TRAPPC3: variants seen among roughly 807,000 people sequenced by gnomAD.
TRAPPC3 encodes the protein trafficking protein particle complex subunit 3.
TRAPPC3 carries 5 observed loss-of-function variants against 18.2 expected under a neutral mutation model. The observed-to-expected ratio is 0.28, with a 90% CI of 0.14 to 0.58. The LOEUF (loss-of-function observed/expected upper bound fraction) is 0.58. TRAPPC3 is among the 20% of genes least tolerant of loss of function. The pLI, the probability that TRAPPC3 is intolerant of heterozygous loss-of-function variation, is 0.91. For missense variants in TRAPPC3, 176 were observed against 225.9 expected, an observed-to-expected ratio of 0.78 and a Z score of 1.41; for synonymous variants, 65 against 84.2, an observed-to-expected ratio of 0.77 and a Z score of 1.25.
chr1:36,141,893 G>T (rs1644113561), intron 1 of TRAPPC3, among the ~76,000 whole-genome samples: 1 of 147,056 alleles, frequency 6.8e-6, no homozygotes, highest in Non-Finnish European at 1.5e-5. Context: ...GGGAGGAGGA[G>T]GTTGCAGTGA....
intron 1 of TRAPPC3, among the ~76,000 whole-genome samples, chr1:36,146,414 A>G (rs1270349298): frequency 1.3e-5 from 2 of 151,138 alleles, no homozygotes; most frequent in Admixed American, 6.6e-5. Flanking sequence ...CTCCTGCCTC[A>G]GCCTCCTGAG....
At chr1:36,152,643 A>AT (rs1020190789), upstream of TRAPPC3, among the ~76,000 whole-genome samples, 9 of 147,416 alleles carry the variant, frequency 6.1e-5, no homozygotes, top group African/African-American at 1.8e-4. Context: ...TTTTTTAAAG[A>AT]TTTTTTTTAC....
rs182747683 is a variant in TRAPPC3 at position 36,144,062 on chromosome 1, C to T, written c.43-3896G>A. Among the ~76,000 whole-genome samples, 135 of 150,886 alleles carry T rather than the reference C, an allele frequency of 8.9e-4. 1 individual carries two copies. The East Asian group carries it at 0.025, about 28-fold the overall frequency. ...CAGCACTTTGGGAGGCCGAGGCGGGCGGATCACCTGAGGTCAGGAGTTCAA... is the reference window on the plus strand; with the variant it reads ...CAGCACTTTGGGAGGCCGAGGCGGGTGGATCACCTGAGGTCAGGAGTTCAA... On this transcript the variant is annotated intron_variant, in intron 1 of 4. Coordinates refer to ENST00000373166, the MANE Select transcript of TRAPPC3 (RefSeq NM_014408.5).
intron 1 of TRAPPC3, among the ~76,000 whole-genome samples, chr1:36,147,187 T>C (rs1323035801): frequency 1.3e-5 from 2 of 151,958 alleles, no homozygotes; most frequent in Non-Finnish European, 2.9e-5. Context: ...CCAGCCGTAG[T>C]GGTTGGGTGC....
intron 1 of TRAPPC3, among the ~76,000 whole-genome samples, chr1:36,154,874 A>G (rs1283652694): frequency 6.6e-6 from 1 of 152,066 alleles, no homozygotes; most frequent in Non-Finnish European, 1.5e-5. Context: ...ATCCTTTTCT[A>G]ATGTTTTTGG....
chr1:36,137,567 GT>G (rs1279344554), intron 4 of TRAPPC3: 29 of 633,326 alleles, frequency 4.6e-5, no homozygotes, highest in Middle Eastern at 4.3e-4. Context: ...GAGAATGGAT[GT>G]TCCTGGGCTT....
intron 3 of TRAPPC3, 106 bp from the exon 4 acceptor site, chr1:36,138,084 C>A (rs975083621): frequency 6.3e-7 from 1 of 1,583,334 alleles, no homozygotes; most frequent in Non-Finnish European, 8.6e-7. Flanking sequence ...AGGAACAAAC[C>A]TGTGGCCTCT....
chr1:36,147,552 G>A (rs1644219909), intron 1 of TRAPPC3, among the ~76,000 whole-genome samples: 2 of 152,168 alleles, frequency 1.3e-5, no homozygotes, highest in African/African-American at 4.8e-5. Flanking sequence ...GCTGAGGCGG[G>A]AGGACTGCTT....
upstream of TRAPPC3, among the ~76,000 whole-genome samples, chr1:36,150,881 G>C (rs1644265436): frequency 1.3e-5 from 2 of 152,210 alleles, no homozygotes; most frequent in South Asian, 4.1e-4. Flanking sequence ...TCCCAGGACA[G>C]AGGACAGCTG....
chr1:36,146,027 C>G (rs1224534646), intron 1 of TRAPPC3, among the ~76,000 whole-genome samples: 1 of 152,056 alleles, frequency 6.6e-6, no homozygotes, highest in Non-Finnish European at 1.5e-5. Flanking sequence ...ATCCACCCGC[C>G]CTGGCCTCCC....
At chr1:36,144,077 C>T (rs1644155771) in intron 1 of TRAPPC3, among the ~76,000 whole-genome samples, 1 of 151,860 alleles carries the variant, frequency 6.6e-6, no homozygotes. Flanking sequence ...CACCTGAGGT[C>T]AGGAGTTCAA....
chr1:36,137,149 G>A lies in TRAPPC3; in HGVS notation c.*54C>T. 1 of 1,578,872 alleles carries A rather than the reference G, an allele frequency of 6.3e-7. No individual in the cohort carries two copies. The highest frequency in any genetic ancestry group is 8.7e-7 in the Non-Finnish European group (1 of 1,152,164). ...TTCTGGAGGGCAGAGGGAGCACAGA[G>A]GCCTGCTGATTCCAACAGTGCTCCT... On this transcript the variant is annotated 3_prime_UTR_variant, in exon 5 of 5. Transcript: ENST00000373166.
chr1:36,151,353 A>G (rs975718742), upstream of TRAPPC3, among the ~76,000 whole-genome samples: 8 of 152,100 alleles, frequency 5.3e-5, no homozygotes, highest in African/African-American at 9.7e-5. Context: ...TGAGACCCCC[A>G]TCTCCATAAA....
chr1:36,153,715 CTAAA>C (rs1344269655), upstream of TRAPPC3, among the ~76,000 whole-genome samples: 4 of 152,152 alleles, frequency 2.6e-5, no homozygotes, highest in African/African-American at 9.7e-5. Flanking sequence ...CTAAACATGG[CTAAA>C]TGTCTCCTGG....
At chr1:36,139,455 C>T (rs939763595) in intron 3 of TRAPPC3, 1 of 396,134 alleles carries the variant, frequency 2.5e-6, no homozygotes, top group Non-Finnish European at 4.6e-6. Context: ...CACGCCCGAC[C>T]GAGTCTGTAT....
chr1:36,149,454 G>T lies in TRAPPC3; in HGVS notation c.-76C>A, dbSNP rs989268611. ...CCCTGCAGACGCCGGAGCCTAAGCC[G>T]CTGCCCCTCAGCCCACAAGACCGAC... On this transcript the variant is annotated 5_prime_UTR_variant, in exon 1 of 5. Transcript: ENST00000373166. 4 of 1,569,732 alleles carry T rather than the reference G, an allele frequency of 2.5e-6. No homozygotes were observed. Among genetic ancestry groups the T allele is most frequent in the Admixed American group, 1.7e-5 (1 of 57,250 alleles).
Position 36,144,165 on chromosome 1 carries a change from G to A in TRAPPC3, c.43-3999C>T, listed in dbSNP as rs143851243. On this transcript the variant is annotated intron_variant, in intron 1 of 4. Coordinates refer to ENST00000373166, the MANE Select transcript of TRAPPC3 (RefSeq NM_014408.5). ...TAGCTGGGCGTGGTACTAGGTGCCT[G>A]TAATCCCAGCTACTTGGGAGGCTGT... is the stretch of plus-strand genomic sequence containing the variant. 1.5e-3 allele frequency among the ~76,000 whole-genome samples: 222 copies of A among 151,896 alleles called. 2 individuals carry two copies. Among genetic ancestry groups the A allele is most frequent in the African/African-American group, 5.2e-3 (215 of 41,416 alleles).
chr1:36,137,307 C>T lies in TRAPPC3; in HGVS notation c.439G>A (p.Glu147Lys). The change falls in exon 5 of 5, where the codon GAG becomes AAG. Residue 147 changes from glutamate (E) to lysine (K), a missense_variant. Transcript: ENST00000373166. ...AGGGTGTCCTGGACAAACTTGGCCT[C>T]CACAGCCATCTGGACCTGGGGGACA... ...GALEMVQMAV[E>K]AKFVQDTLKG... The T allele has an allele frequency of 6.2e-7, 1 of 1,611,680 alleles. No individual in the cohort carries two copies. Among genetic ancestry groups the T allele is most frequent in the Non-Finnish European group, 8.5e-7 (1 of 1,178,006 alleles).
rs1397342459 is a variant in TRAPPC3, at chr1:36,137,200, T to C, written c.*3A>G. Reference sequence around the variant, plus strand: ...GATGGCTATCCTCGAGTTGTAGGGATGGTTATTCCTCTCCAGCTGGAAGAT... The same window carrying C: ...GATGGCTATCCTCGAGTTGTAGGGACGGTTATTCCTCTCCAGCTGGAAGAT... On this transcript the variant is annotated 3_prime_UTR_variant, in exon 5 of 5. Transcript: ENST00000373166. The C allele has an allele frequency of 6.2e-7, 1 of 1,605,194 alleles. No homozygotes were observed.
Sources: allele counts gnomAD v4.1 joint callset (sites outside exome capture counted in the v4.1 genomes callset), GRCh38; gene constraint gnomAD v4.1.1; transcripts MANE v1.5; gene names NCBI Gene and HGNC (gene_info 2026-07-23, HGNC 2026-07-21).